Variants in FRMD3 observed in about 807,000 individuals in gnomAD.
FRMD3 encodes the protein FERM domain-containing protein 3.
A neutral mutation model predicts 70.2 loss-of-function variants in FRMD3; 33 were observed. That is an observed-to-expected ratio of 0.47 (90% confidence interval 0.36 to 0.63). The LOEUF (loss-of-function observed/expected upper bound fraction) is 0.63. FRMD3 is among the 20% of genes least tolerant of loss of function. The pLI is 0.00. For missense variants in FRMD3, 632 were observed against 711.4 expected (o/e 0.89, Z 1.27); for synonymous variants, 279 against 255.9 (o/e 1.09, Z -0.86).
intron 1 of FRMD3, among the ~76,000 whole-genome samples, chr9:83,494,833 A>ATGTGTGTG (rs377201441): frequency 0.023 from 3,395 of 149,348 alleles, 91 homozygotes; most frequent in African/African-American, 0.062. Context: ...CTGTGCATTT[A>ATGTGTGTG]TGTGTGTGTG....
chr9:83,335,255 A>G (rs1823537366), intron 6 of FRMD3, among the ~76,000 whole-genome samples: 1 of 152,230 alleles, frequency 6.6e-6, no homozygotes, highest in African/African-American at 2.4e-5. Context: ...TTAGAAATCC[A>G]TATGTGTAAG....
intron 1 of FRMD3, among the ~76,000 whole-genome samples, chr9:83,505,284 G>T (rs184600563): frequency 3.3e-5 from 5 of 152,230 alleles, no homozygotes; most frequent in Non-Finnish European, 7.4e-5. Flanking sequence ...TACTCAAAAG[G>T]CTGACTTCTC....
the FRMD3 span, among the ~76,000 whole-genome samples, chr9:83,546,721 C>T: frequency 1.3e-5 from 2 of 151,322 alleles, no homozygotes; most frequent in Admixed American, 6.6e-5. Flanking sequence ...GGTGGAACCC[C>T]GTCTCTACTA....
intron 13 of FRMD3, among the ~76,000 whole-genome samples, chr9:83,275,224 C>T (rs527360897): frequency 1.3e-5 from 2 of 152,296 alleles, no homozygotes; most frequent in African/African-American, 2.4e-5. Context: ...GTCAGGATCA[C>T]TTTACTCTGT....
chr9:83,352,152 T>C (rs1401386057), intron 3 of FRMD3, among the ~76,000 whole-genome samples: 1 of 152,210 alleles, frequency 6.6e-6, no homozygotes, highest in African/African-American at 2.4e-5. Flanking sequence ...CAAACTATTC[T>C]ACATCAAACC....
chr9:83,418,923 C>T (rs1031603444), intron 1 of FRMD3, among the ~76,000 whole-genome samples: 5 of 152,106 alleles, frequency 3.3e-5, no homozygotes, highest in Non-Finnish European at 5.9e-5. Flanking sequence ...ATGTGTTTTT[C>T]TTATATATAC....
chr9:83,256,246 A>C (rs1832701939), intron 13 of FRMD3, among the ~76,000 whole-genome samples: 1 of 149,972 alleles, frequency 6.7e-6, no homozygotes, highest in African/African-American at 2.5e-5. Context: ...TCTTCAAAAA[A>C]CTTGACAAAA....
chr9:83,344,824 A>AGTGAGTGTGTGTGTGTGT (rs1554690831), intron 4 of FRMD3, among the ~76,000 whole-genome samples: 8 of 143,972 alleles, frequency 5.6e-5, no homozygotes, highest in African/African-American at 2.1e-4. Flanking sequence ...TGCATGTGTG[A>AGTGAGTGTGTGTGTGTGT]GTGTGTGTGT....
chr9:83,365,827 T>C (rs1824767868), intron 3 of FRMD3, among the ~76,000 whole-genome samples: 1 of 152,222 alleles, frequency 6.6e-6, no homozygotes, highest in Admixed American at 6.5e-5. Context: ...TCCCTGAGGC[T>C]GAGCAGTTCC....
At chr9:83,265,235 C>T (rs983888879) in intron 13 of FRMD3, among the ~76,000 whole-genome samples, 12 of 151,660 alleles carry the variant, frequency 7.9e-5, no homozygotes, top group African/African-American at 2.7e-4. Context: ...CCCGTCTCTA[C>T]TAAAAATACA....
rs545170497 is a variant in FRMD3, at chr9:83,372,866, T to C, written c.295+47A>G. 103 of 1,523,300 alleles carry C rather than the reference T, an allele frequency of 6.8e-5. 1 individual carries two copies. The South Asian group carries it at 1.1e-3, about 16-fold the overall frequency. 94.4% of individuals were successfully genotyped at this position (1,523,300 alleles called of 1,614,324 possible). On this transcript the variant is annotated intron_variant, in intron 3 of 13. Transcript: ENST00000304195. ...AAAGTTTGTCAGGGAACAGTATCTATCTTTGGACACATTGTAGCAAAAGTA... is the reference window on the plus strand; with the variant it reads ...AAAGTTTGTCAGGGAACAGTATCTACCTTTGGACACATTGTAGCAAAAGTA...
chr9:83,427,062 G>A (rs563894768), intron 1 of FRMD3, among the ~76,000 whole-genome samples: 1 of 152,328 alleles, frequency 6.6e-6, no homozygotes, highest in African/African-American at 2.4e-5. Context: ...CTCAGTCCAG[G>A]CACAGGGCTT....
chr9:83,519,299 AAAAC>A (rs1829520608), intron 1 of FRMD3, among the ~76,000 whole-genome samples: 2 of 152,232 alleles, frequency 1.3e-5, no homozygotes, highest in Admixed American at 6.5e-5. Context: ...TAACAAGAAA[AAAAC>A]AAACAACCCC....
chr9:83,292,794 T>A lies in FRMD3; in HGVS notation c.1071-2067A>T, dbSNP rs570449920. 1.5e-4 allele frequency among the ~76,000 whole-genome samples: 23 copies of A among 152,264 alleles called. 1 individual carries two copies. In the South Asian group the frequency reaches 4.8e-3, roughly 32 times the overall value. ...TCCCGAGTAGCTGGGATTACAGGCA[T>A]CTGCCACCATGCCCAGCTAATTTTT... On this transcript the variant is annotated intron_variant, in intron 12 of 13. Coordinates refer to ENST00000304195, the MANE Select transcript of FRMD3 (RefSeq NM_174938.6).
upstream of FRMD3, chr9:83,538,509 G>C (rs915360506): frequency 2.1e-5 from 6 of 292,298 alleles, no homozygotes; most frequent in African/African-American, 1.3e-4. The surrounding 1 kb of genome is among the most constrained non-coding windows in gnomAD (Gnocchi z 4.7). Context: ...CTCGCTCGCC[G>C]AGGACGCCCA....
chr9:83,491,244 T>G (rs917072651), intron 1 of FRMD3, among the ~76,000 whole-genome samples: 4 of 152,170 alleles, frequency 2.6e-5, no homozygotes, highest in Non-Finnish European at 5.9e-5. Flanking sequence ...ACTCAGTAAT[T>G]CGTTTTCTGT....
chr9:83,536,954 G>A (rs1252018765), intron 1 of FRMD3, among the ~76,000 whole-genome samples: 76 of 82,316 alleles, frequency 9.2e-4, no homozygotes, highest in East Asian at 1.5e-3. Context: ...AAAAAAAAAA[G>A]CTCAGTCCCA....
At chr9:83,303,933 C>A (rs1049260989) in intron 10 of FRMD3, among the ~76,000 whole-genome samples, 2 of 152,148 alleles carry the variant, frequency 1.3e-5, no homozygotes, top group Admixed American at 1.3e-4. Context: ...CCTAAGCAAC[C>A]GCTCATCTAG....
chr9:83,553,330 C>T, the FRMD3 span, among the ~76,000 whole-genome samples: 1 of 152,178 alleles, frequency 6.6e-6, no homozygotes, highest in African/African-American at 2.4e-5. Flanking sequence ...AGGGTTTCAG[C>T]TGAAAGATCA....
Sources: allele counts gnomAD v4.1 joint callset (sites outside exome capture counted in the v4.1 genomes callset), GRCh38; gene constraint gnomAD v4.1.1; non-coding constraint Gnocchi (gnomAD v3.1); transcripts MANE v1.5; gene names NCBI Gene and HGNC (gene_info 2026-07-23, HGNC 2026-07-21).